The following FRMD5 variants were observed in gnomAD, a reference collection of about 807,000 sequenced individuals.
FRMD5 encodes FERM domain containing 5, also known as FERM domain-containing protein 5.
A neutral mutation model predicts 69.0 loss-of-function variants in FRMD5; 20 were observed. The observed-to-expected ratio is 0.29, with a 90% CI of 0.20 to 0.42. The LOEUF (loss-of-function observed/expected upper bound fraction) is 0.42, where lower values mean the gene tolerates loss of function less well. FRMD5 is among the 10% of genes least tolerant of loss of function. FRMD5 has a pLI of 1.00. For missense variants in FRMD5, 595 were observed against 708.6 expected (o/e 0.84, Z 1.82); for synonymous variants, 271 against 260.1 (o/e 1.04, Z -0.40).
At chr15:43,980,902 A>G (rs748780761) in intron 1 of FRMD5, among the ~76,000 whole-genome samples, 10 of 152,190 alleles carry the variant, frequency 6.6e-5, no homozygotes, top group Admixed American at 1.3e-4. Flanking sequence ...CACCAGGTAC[A>G]GTAAAAAATC....
chr15:44,040,947 C>T (rs1892159257), intron 1 of FRMD5, among the ~76,000 whole-genome samples: 1 of 119,978 alleles, frequency 8.3e-6, no homozygotes, highest in Admixed American at 1.2e-4. Context: ...CACACGTAGG[C>T]TCAAAATAAA....
At position 44,187,502 on chromosome 15, in the gene FRMD5, T is replaced by C. The variant is rs185235883; in HGVS notation, c.102+7451A>G. ...CATTTTTAACTTTTCCACTTAGAAGTAGTCTGCTGTTAACTCAGCCTCTAA... is the reference window on the plus strand; with the variant it reads ...CATTTTTAACTTTTCCACTTAGAAGCAGTCTGCTGTTAACTCAGCCTCTAA... On this transcript the variant is annotated intron_variant, in intron 1 of 13. Coordinates refer to ENST00000417257, the MANE Select transcript of FRMD5 (RefSeq NM_032892.5). 3.4e-4 allele frequency among the ~76,000 whole-genome samples: 51 copies of C among 152,032 alleles called. No homozygotes were observed. The East Asian group carries it at 7.7e-3, about 23-fold the overall frequency.
chr15:44,022,675 C>A (rs532001609), intron 1 of FRMD5, among the ~76,000 whole-genome samples: 1 of 150,796 alleles, frequency 6.6e-6, no homozygotes, highest in African/African-American at 2.4e-5. Context: ...CATGAGATTG[C>A]CAAAAATTTA....
At chr15:44,081,052 A>C (rs951188529) in intron 1 of FRMD5, among the ~76,000 whole-genome samples, 6 of 152,144 alleles carry the variant, frequency 3.9e-5, no homozygotes, top group Admixed American at 3.9e-4. Context: ...CCCACTGAGG[A>C]TCATGGCATA....
At chr15:43,999,967 T>TATATGTCTTGC (rs55916455) in intron 1 of FRMD5, among the ~76,000 whole-genome samples, 1 of 42,024 alleles carries the variant, frequency 2.4e-5, no homozygotes, top group Non-Finnish European at 5.4e-5. Flanking sequence ...TATATATATA[T>TATATGTCTTGC]ATATATATAT....
intron 7 of FRMD5, 89 bp from the exon 8 acceptor site, chr15:43,892,158 A>G: frequency 1.8e-6 from 2 of 1,110,760 alleles, no homozygotes; most frequent in South Asian, 2.6e-5. Flanking sequence ...ATGCAGGGTT[A>G]ATACTTGGCA....
chr15:43,913,595 A>G (rs928100841), intron 4 of FRMD5, among the ~76,000 whole-genome samples: 1 of 152,248 alleles, frequency 6.6e-6, no homozygotes, highest in Non-Finnish European at 1.5e-5. Context: ...CTCCCCTGCC[A>G]CACAAGGGCC....
chr15:44,079,837 G>A (rs1893924587), intron 1 of FRMD5, among the ~76,000 whole-genome samples: 1 of 152,002 alleles, frequency 6.6e-6, no homozygotes, highest in South Asian at 2.1e-4. Flanking sequence ...CATGCTACAA[G>A]ATGGATGGAC....
chr15:43,966,844 G>A (rs1234741925), intron 1 of FRMD5, among the ~76,000 whole-genome samples: 1 of 152,198 alleles, frequency 6.6e-6, no homozygotes, highest in East Asian at 1.9e-4. Context: ...TTCTGAGCAA[G>A]GGAGTCACAT....
intron 1 of FRMD5, among the ~76,000 whole-genome samples, chr15:44,108,760 T>C (rs2076755684): frequency 6.6e-6 from 1 of 152,024 alleles, no homozygotes; most frequent in Non-Finnish European, 1.5e-5. Flanking sequence ...AGCTAGGAGT[T>C]GGAGACCAGC....
At chr15:44,139,298 T>TACACACACACACACACAC (rs140679752) in intron 1 of FRMD5, among the ~76,000 whole-genome samples, 7 of 143,760 alleles carry the variant, frequency 4.9e-5, no homozygotes, top group African/African-American at 1.5e-4. Context: ...CCCCTCTCTC[T>TACACACACACACACACAC]ACACACACAC....
intron 1 of FRMD5, among the ~76,000 whole-genome samples, chr15:44,172,849 T>A (rs903377535): frequency 6.6e-6 from 1 of 152,108 alleles, no homozygotes; most frequent in African/African-American, 2.4e-5. Context: ...GAAAAGGAAA[T>A]AACACTAAAA....
At chr15:43,956,903 A>G (rs1410386153) in intron 1 of FRMD5, among the ~76,000 whole-genome samples, 2 of 152,152 alleles carry the variant, frequency 1.3e-5, no homozygotes, top group Non-Finnish European at 2.9e-5. Context: ...CTGTACTGCA[A>G]TCCCATTTCT....
chr15:43,875,298 C>A (rs1460925890), intron 13 of FRMD5, among the ~76,000 whole-genome samples: 27 of 138,076 alleles, frequency 2.0e-4, no homozygotes, highest in Non-Finnish European at 4.5e-5. Context: ...CTGCAGTAAA[C>A]CAAGATCACA....
intron 2 of FRMD5, among the ~76,000 whole-genome samples, chr15:43,920,518 C>T (rs756976462): frequency 1.3e-5 from 2 of 152,158 alleles, no homozygotes; most frequent in Non-Finnish European, 2.9e-5. Context: ...ATACATTTTC[C>T]CATGGTACTT....
chr15:43,919,888 ACTAGACAGATTGTAGC>A, intron 2 of FRMD5, 79 bp from the exon 3 acceptor site: 1 of 1,321,042 alleles, frequency 7.6e-7, no homozygotes, highest in Non-Finnish European at 1.1e-6. Context: ...AACTTAAAAA[ACTAGACAGATTGTAGC>A]CTAGGGTGAA....
chr15:44,167,593 A>G (rs1055101092), intron 1 of FRMD5, among the ~76,000 whole-genome samples: 1 of 145,526 alleles, frequency 6.9e-6, no homozygotes, highest in African/African-American at 2.5e-5. Flanking sequence ...CATTATCACA[A>G]TTTTTTTTTT....
intron 1 of FRMD5, among the ~76,000 whole-genome samples, chr15:43,969,899 C>A (rs959012042): frequency 7.9e-5 from 12 of 152,170 alleles, no homozygotes; most frequent in African/African-American, 2.7e-4. Flanking sequence ...AATTTTATTT[C>A]TTCTGTGTTC....
chr15:44,194,885 C>T, intron 1 of FRMD5, 68 bp downstream of exon 1: 1 of 1,372,428 alleles, frequency 7.3e-7, no homozygotes, highest in Non-Finnish European at 1.0e-6. Flanking sequence ...CGGCCGCCGC[C>T]GGCCAAGTTG....
Sources: allele counts gnomAD v4.1 joint callset (sites outside exome capture counted in the v4.1 genomes callset), GRCh38; gene constraint gnomAD v4.1.1; transcripts MANE v1.5; gene names NCBI Gene and HGNC (gene_info 2026-07-23, HGNC 2026-07-21).